RYR3: variants seen among roughly 807,000 people sequenced by gnomAD.
RYR3 encodes ryanodine receptor 3, also known as brain ryanodine receptor-calcium release channel.
A neutral mutation model predicts 584.3 loss-of-function variants in RYR3; 207 were observed. The observed-to-expected ratio is 0.35, with a 90% CI of 0.32 to 0.40. The LOEUF is 0.40. Among genes scored for constraint, RYR3 ranks in the 10% least tolerant of loss-of-function variants. The pLI is 1.00. For missense variants in RYR3, 5,616 were observed against 6,089.2 expected (o/e 0.92, Z 2.59); for synonymous variants, 2,416 against 2,248.5 (o/e 1.07, Z -2.11).
chr15:33,372,569 G>A (rs2141107799), intron 1 of RYR3, among the ~76,000 whole-genome samples: 1 of 152,092 alleles, frequency 6.6e-6, no homozygotes, highest in East Asian at 1.9e-4. Flanking sequence ...GATTCACCGT[G>A]TTAGCCAGGA....
chr15:33,355,401 G>C (rs1384076496), intron 1 of RYR3, among the ~76,000 whole-genome samples: 1 of 152,098 alleles, frequency 6.6e-6, no homozygotes, highest in Non-Finnish European at 1.5e-5. Context: ...GGTACCTATA[G>C]CATCACATAG....
At chr15:33,637,758 A>G (rs1471216574) in intron 27 of RYR3, among the ~76,000 whole-genome samples, 3 of 152,058 alleles carry the variant, frequency 2.0e-5, no homozygotes, top group Admixed American at 1.3e-4. Flanking sequence ...TCAGACACCT[A>G]TTGTTTAAAG....
chr15:33,817,874 A>C (rs2076901028), intron 75 of RYR3, among the ~76,000 whole-genome samples: 1 of 152,158 alleles, frequency 6.6e-6, no homozygotes. Context: ...AATTTACCAA[A>C]TACGGTCCAC....
chr15:33,625,361 T>C (rs2060932026), intron 20 of RYR3, among the ~76,000 whole-genome samples: 3 of 152,192 alleles, frequency 2.0e-5, no homozygotes, highest in Admixed American at 6.5e-5. Flanking sequence ...ACTTTTGATA[T>C]CATTTCAGTA....
chr15:33,670,270 A>G (rs1197858066), intron 37 of RYR3, 149 bp from the exon 38 acceptor site: 1 of 758,098 alleles, frequency 1.3e-6, no homozygotes, highest in African/African-American at 1.8e-5. Context: ...AAGATAGGTA[A>G]CTATTCACGA....
intron 86 of RYR3, among the ~76,000 whole-genome samples, chr15:33,833,085 T>C (rs923804532): frequency 2.0e-5 from 3 of 151,938 alleles, no homozygotes; most frequent in African/African-American, 7.3e-5. Context: ...GAGGAGGAAG[T>C]ACATTCTGTG....
intron 3 of RYR3, among the ~76,000 whole-genome samples, chr15:33,528,108 A>G (rs1045246889): frequency 6.6e-6 from 1 of 151,964 alleles, no homozygotes; most frequent in Non-Finnish European, 1.5e-5. Flanking sequence ...TGACCGTCCC[A>G]TTTCTTCCAC....
At chr15:33,670,380 C>T (rs2063771992) in intron 37 of RYR3, 39 bp from the exon 38 acceptor site, 5 of 1,606,370 alleles carry the variant, frequency 3.1e-6, no homozygotes, top group Non-Finnish European at 4.3e-6. Flanking sequence ...TGGTTTCATG[C>T]ACTGCTTTGG....
intron 8 of RYR3, among the ~76,000 whole-genome samples, chr15:33,546,652 T>C (rs879282254): frequency 3.3e-4 from 50 of 152,322 alleles, no homozygotes; most frequent in East Asian, 1.5e-3. Context: ...TTTCACAACA[T>C]TGTTTTATAA....
chr15:33,724,785 C>T (rs1015086597), intron 45 of RYR3, among the ~76,000 whole-genome samples: 3 of 152,056 alleles, frequency 2.0e-5, no homozygotes, highest in African/African-American at 7.3e-5. Flanking sequence ...GCTGCTTTTC[C>T]TATGAAAAGC....
intron 103 of RYR3, chr15:33,864,901 T>TG (rs1257428842): frequency 2.1e-6 from 1 of 484,726 alleles, no homozygotes; most frequent in African/African-American, 1.9e-5. Flanking sequence ...TTTGCTTGTT[T>TG]GGGGCAGAGG....
intron 10 of RYR3, among the ~76,000 whole-genome samples, chr15:33,551,884 G>A (rs2056703291): frequency 6.6e-6 from 1 of 152,194 alleles, no homozygotes. Context: ...CAAAGCAACA[G>A]GAAAGTCGTA....
intron 1 of RYR3, among the ~76,000 whole-genome samples, chr15:33,343,759 C>T (rs1972106740): frequency 6.6e-6 from 1 of 152,180 alleles, no homozygotes; most frequent in Non-Finnish European, 1.5e-5. Flanking sequence ...GAGTCAAGAT[C>T]AAAGTGCGAG....
chr15:33,481,359 G>A (rs1467606369), intron 2 of RYR3, among the ~76,000 whole-genome samples: 1 of 151,888 alleles, frequency 6.6e-6, no homozygotes, highest in African/African-American at 2.4e-5. Flanking sequence ...CTATTCTTTT[G>A]TCTCCTCTGG....
At position 33,539,463 on chromosome 15, in the gene RYR3, G is replaced by GT; in HGVS notation, c.546+2dup. 1 of 1,554,076 alleles carries GT rather than the reference G, an allele frequency of 6.4e-7. No individual in the cohort carries two copies. Among genetic ancestry groups the GT allele is most frequent in the Non-Finnish European group, 8.8e-7 (1 of 1,135,908 alleles). ...CAGCGTGTCCTCTGAAAGATACCTT[G>GT]TAAGTACCTCATAATATAAGAGTCT... On this transcript the variant is annotated splice_donor_variant, in intron 6 of 103. Transcript: ENST00000634891. LOFTEE classifies it high-confidence loss of function.
chr15:33,653,112 T>C (rs2062590496), intron 32 of RYR3, among the ~76,000 whole-genome samples: 1 of 152,232 alleles, frequency 6.6e-6, no homozygotes, highest in Non-Finnish European at 1.5e-5. Flanking sequence ...ATATGCTGGT[T>C]GTCTTTCTAG....
chr15:33,827,040 CAG>C (rs1425613510), intron 84 of RYR3, among the ~76,000 whole-genome samples, 157 bp from the exon 85 acceptor site: 1 of 152,148 alleles, frequency 6.6e-6, no homozygotes, highest in Admixed American at 6.5e-5. Flanking sequence ...GGGGGGTGCT[CAG>C]AGCAGAGCTC....
intron 94 of RYR3, chr15:33,852,833 G>A (rs1343882283): frequency 6.2e-6 from 3 of 485,612 alleles, no homozygotes; most frequent in Non-Finnish European, 1.1e-5. Context: ...GGCCTTCTGA[G>A]TGTTTCAAAA....
intron 18 of RYR3, among the ~76,000 whole-genome samples, chr15:33,605,982 C>G (rs1461992420): frequency 6.6e-6 from 1 of 152,166 alleles, no homozygotes; most frequent in African/African-American, 2.4e-5. Flanking sequence ...ATAAATTAAG[C>G]CACTGCCTTG....
Sources: gnomAD v4.1 joint callset for allele counts (sites outside exome capture counted in the v4.1 genomes callset) on GRCh38, gnomAD v4.1.1 for gene constraint, MANE v1.5 for transcripts, NCBI Gene and HGNC (gene_info 2026-07-23, HGNC 2026-07-21) for gene names.